Variants in ARID1B observed in about 807,000 individuals in gnomAD.
ARID1B encodes AT-rich interaction domain 1B, also known as AT-rich interactive domain-containing protein 1B.
Under a neutral mutation model 212.3 loss-of-function variants are expected in ARID1B, and 30 were observed. The ratio of observed to expected loss-of-function variants is 0.14; its 90% CI spans 0.11 to 0.19. ARID1B has a LOEUF of 0.19. Among genes scored for constraint, ARID1B ranks in the 10% least tolerant of loss-of-function variants. The probability of loss-of-function intolerance (pLI) is 1.00; values close to 1 mark genes in which losing one functional copy is unlikely to be tolerated. For synonymous variants in ARID1B, 1,402 were observed against 1,301.7 expected (o/e 1.08, Z -1.66); for missense variants, 2,891 against 3,204.0 (o/e 0.90, Z 2.36).
chr6:157,158,460 TA>T (rs1790708021), intron 8 of ARID1B, among the ~76,000 whole-genome samples: 1 of 152,238 alleles, frequency 6.6e-6, no homozygotes, highest in African/African-American at 2.4e-5. Flanking sequence ...TTAATTTTCT[TA>T]AGCCCACTGA....
chr6:156,778,361 C>T lies in ARID1B; in HGVS notation c.681C>T (p.Gly227=), dbSNP rs2114972022. Residue 227 remains glycine (G), a synonymous_variant, in exon 1 of 20, where the codon GGC becomes GGT. Transcript: ENST00000636930. ...ACAACAACAGCTTGGGCGGCGCGGGCGGCGGCGCGCCTCAGCCCGGCCCCG... is the reference window on the plus strand; with the variant it reads ...ACAACAACAGCTTGGGCGGCGCGGGTGGCGGCGCGCCTCAGCCCGGCCCCG... ...ISNNNSLGGA[G]GGAPQPGPDM... 6.5e-7 allele frequency: 1 copy of T among 1,539,744 alleles called. No homozygotes were observed. Among genetic ancestry groups the T allele is most frequent in the Middle Eastern group, 1.7e-4 (1 of 5,904 alleles).
intron 1 of ARID1B, among the ~76,000 whole-genome samples, chr6:156,799,117 G>A (rs976775149): frequency 6.6e-6 from 1 of 152,160 alleles, no homozygotes; most frequent in African/African-American, 2.4e-5. Flanking sequence ...CTCATGATAT[G>A]TGGAACCTCA....
At chr6:157,166,741 G>T (rs1212299733) in intron 8 of ARID1B, 2 of 234,850 alleles carry the variant, frequency 8.5e-6, no homozygotes, top group Admixed American at 5.7e-5. Context: ...CTTATTTCAA[G>T]TTCCCCCTTT....
intron 2 of ARID1B, among the ~76,000 whole-genome samples, chr6:156,893,405 T>C (rs1788117931): frequency 6.6e-6 from 1 of 152,150 alleles, no homozygotes; most frequent in Non-Finnish European, 1.5e-5. Flanking sequence ...ACCAAAAGCA[T>C]AGGCAACAAA....
intron 1 of ARID1B, among the ~76,000 whole-genome samples, chr6:156,826,000 A>T (rs929243420): frequency 1.3e-5 from 2 of 152,250 alleles, no homozygotes; most frequent in African/African-American, 4.8e-5. Context: ...TTGTACACTT[A>T]ATTATGAAGG....
At chr6:157,122,712 A>T (rs1444583926) in intron 6 of ARID1B, among the ~76,000 whole-genome samples, 1 of 152,010 alleles carries the variant, frequency 6.6e-6, no homozygotes, top group African/African-American at 2.4e-5. Flanking sequence ...ACAGAGTCTC[A>T]CCCTGTCCCA....
At chr6:156,990,824 TTTTA>T (rs1778236021) in intron 4 of ARID1B, among the ~76,000 whole-genome samples, 1 of 152,038 alleles carries the variant, frequency 6.6e-6, no homozygotes, top group Non-Finnish European at 1.5e-5. Flanking sequence ...TAACCCTTGG[TTTTA>T]TTTTATATTT....
At chr6:157,150,777 C>T (rs371061369) in intron 8 of ARID1B, 6 of 183,198 alleles carry the variant, frequency 3.3e-5, no homozygotes, top group African/African-American at 9.4e-5. Context: ...GGCTGGCGGA[C>T]GCCCCATGTT....
At chr6:157,088,525 C>A (rs1244897029) in intron 5 of ARID1B, among the ~76,000 whole-genome samples, 1 of 152,132 alleles carries the variant, frequency 6.6e-6, no homozygotes, top group Admixed American at 6.5e-5. Flanking sequence ...AAATCATTTC[C>A]CTAAGATTCA....
Position 157,196,264 on chromosome 6 carries a change from T to C in ARID1B, c.4331T>C (p.Leu1444Pro), listed in dbSNP as rs751015296. ...AGTCCCTCCGGAGCAATGTCTAACC[T>C]GGGCATGGGGCAGCGCCAGCAGTTT... is the stretch of plus-strand genomic sequence containing the variant. ...NQSPSGAMSN[L>P]GMGQRQQFPY... is the part of the protein sequence containing the mutation. The change falls in exon 16 of 20, where the codon CTG becomes CCG. Residue 1444 changes from leucine (L) to proline (P), a missense_variant. Coordinates refer to ENST00000636930, the MANE Select transcript of ARID1B (RefSeq NM_001374828.1). 1 of 1,611,732 alleles carries C rather than the reference T, an allele frequency of 6.2e-7. No individual in the cohort carries two copies. Among genetic ancestry groups the C allele is most frequent in the Admixed American group, 1.7e-5 (1 of 59,168 alleles).
intron 1 of ARID1B, among the ~76,000 whole-genome samples, chr6:156,801,157 A>G (rs890941641): frequency 2.0e-5 from 3 of 150,096 alleles, no homozygotes; most frequent in Non-Finnish European, 4.4e-5. Flanking sequence ...AGCTACTTGA[A>G]TTTTGGATGG....
At chr6:157,008,636 A>G (rs527240088) in intron 4 of ARID1B, among the ~76,000 whole-genome samples, 1 of 152,302 alleles carries the variant, frequency 6.6e-6, no homozygotes, top group Admixed American at 6.5e-5. Flanking sequence ...GAAGGATTTT[A>G]GGCAAATGTG....
chr6:157,053,570 CT>C (rs1782743992), intron 4 of ARID1B, among the ~76,000 whole-genome samples: 2 of 152,140 alleles, frequency 1.3e-5, no homozygotes, highest in South Asian at 4.1e-4. Flanking sequence ...TTATTCAATC[CT>C]GCAACTTTAT....
intron 7 of ARID1B, among the ~76,000 whole-genome samples, chr6:157,144,008 T>C (rs951317245): frequency 2.6e-5 from 4 of 152,246 alleles, no homozygotes; most frequent in African/African-American, 7.2e-5. Context: ...CTCGAACGCA[T>C]GCTCCCCCAG....
intron 5 of ARID1B, among the ~76,000 whole-genome samples, chr6:157,089,926 T>G (rs1270275335): frequency 6.6e-6 from 1 of 151,082 alleles, no homozygotes; most frequent in Non-Finnish European, 1.5e-5. Flanking sequence ...CGTTTTTCAC[T>G]TTGGCGTTAG....
At chr6:156,901,561 T>C in intron 3 of ARID1B, 36 bp downstream of exon 3, 1 of 1,596,074 alleles carries the variant, frequency 6.3e-7, no homozygotes, top group Non-Finnish European at 8.5e-7. Flanking sequence ...GGCCCTGTTT[T>C]CTCCACCAAG....
chr6:156,883,685 A>G (rs1199409295), intron 2 of ARID1B, among the ~76,000 whole-genome samples: 1 of 152,038 alleles, frequency 6.6e-6, no homozygotes, highest in Admixed American at 6.5e-5. Flanking sequence ...CTCCAGCCCC[A>G]TCTCTTCACC....
chr6:157,086,512 A>G (rs919790477), intron 5 of ARID1B, among the ~76,000 whole-genome samples: 43 of 152,218 alleles, frequency 2.8e-4, no homozygotes, highest in Admixed American at 1.3e-4. Flanking sequence ...CTTTCATTCT[A>G]AATTGAGTCA....
chr6:156,992,345 T>A (rs1319324093), intron 4 of ARID1B, among the ~76,000 whole-genome samples: 3 of 152,184 alleles, frequency 2.0e-5, no homozygotes, highest in African/African-American at 4.8e-5. Context: ...GGGAAAAAAA[T>A]AACATGTAAC....
Sources: allele counts gnomAD v4.1 joint callset (sites outside exome capture counted in the v4.1 genomes callset), GRCh38; gene constraint gnomAD v4.1.1; transcripts MANE v1.5; gene names NCBI Gene and HGNC (gene_info 2026-07-23, HGNC 2026-07-21).